The following OGDHL variants were observed in gnomAD, a reference collection of about 807,000 sequenced individuals.
OGDHL encodes 2-oxoglutarate dehydrogenase-like, mitochondrial.
OGDHL carries 79 observed loss-of-function variants against 109.6 expected under a neutral mutation model. The observed-to-expected ratio is 0.72, with a 90% confidence interval of 0.60 to 0.87. The LOEUF (loss-of-function observed/expected upper bound fraction) is 0.87, where lower values mean the gene tolerates loss of function less well. Ranked by LOEUF, OGDHL falls within the 40% of genes least tolerant of loss-of-function variation. The pLI, the probability that OGDHL is intolerant of heterozygous loss-of-function variation, is 0.00. For synonymous variants in OGDHL, 528 were observed against 537.2 expected (o/e 0.98, Z 0.24); for missense variants, 1,275 against 1,362.2 (o/e 0.94, Z 1.01).
rs140601286 is a variant in OGDHL at position 49,755,014 on chromosome 10, C to T, written c.375+1762G>A. On this transcript the variant is annotated intron_variant, in intron 3 of 22. Coordinates refer to ENST00000374103, the MANE Select transcript of OGDHL (RefSeq NM_018245.3). Reference sequence around the variant, plus strand: ...ATCCCAGCACTTTGGGAGGCCAAGGCGGGCAGATCACTTGAGGTCAGGAAT... The same window carrying T: ...ATCCCAGCACTTTGGGAGGCCAAGGTGGGCAGATCACTTGAGGTCAGGAAT... Among the ~76,000 whole-genome samples, 383 of 152,196 alleles carry T rather than the reference C, an allele frequency of 2.5e-3. 1 individual carries two copies. Among genetic ancestry groups the T allele is most frequent in the African/African-American group, 8.6e-3 (356 of 41,518 alleles).
At chr10:49,743,895 C>A in intron 14 of OGDHL, 99 bp downstream of exon 14, 1 of 1,447,488 alleles carries the variant, frequency 6.9e-7, no homozygotes. Context: ...AGCAGGAATG[C>A]GACACACCAT....
rs773410058 is a variant in OGDHL, at chr10:49,736,518, T to C, written c.2593A>G (p.Thr865Ala). 3.3e-5 allele frequency: 53 copies of C among 1,612,858 alleles called. No individual in the cohort carries two copies. The highest frequency in any genetic ancestry group is 4.4e-5 in the Non-Finnish European group (52 of 1,179,908). ...KSSFDQMVSG[T>A]SFQRVIPEDG... ...TCAGGAATCACCCGCTGGAAGCTGG[T>C]CCCTGAGGGACCAACAGGACATGGC... Residue 865 changes from threonine (T) to alanine (A), a missense_variant and splice_region_variant, in exon 21 of 23, where the codon ACC becomes GCC. Physicochemically the swap from Thr to Ala is moderately conservative, Grantham distance 58. Coordinates refer to ENST00000374103, the MANE Select transcript of OGDHL (RefSeq NM_018245.3).
At chr10:49,754,676 G>A (rs202000192) in intron 3 of OGDHL, among the ~76,000 whole-genome samples, 15 of 147,498 alleles carry the variant, frequency 1.0e-4, no homozygotes, top group South Asian at 2.1e-4. Flanking sequence ...AGCTGATTTT[G>A]AAAAAAAAAA....
In OGDHL at chr10:49,745,355, G is replaced by A; in HGVS notation, c.1618C>T (p.Gln540Ter). Residue 540 changes from glutamine (Q) to a stop codon, truncating the protein, a stop_gained, in exon 12 of 23, where the codon CAG (glutamine) becomes TAG (stop). Coordinates refer to ENST00000374103, the MANE Select transcript of OGDHL (RefSeq NM_018245.3). LOFTEE classifies it high-confidence loss of function. ...GCCTGCCTGCCCACCTCAAACTCCT[G>A]CAGGGTGACTGTGCCCTCGGCAATC... ...KLIAEGTVTL[Q>*]EFEEEIAKYD... is the part of the protein sequence containing the mutation. 1 of 1,613,800 alleles carries A rather than the reference G, an allele frequency of 6.2e-7. No individual in the cohort carries two copies. Among genetic ancestry groups the A allele is most frequent in the Non-Finnish European group, 8.5e-7 (1 of 1,180,024 alleles).
At chr10:49,757,254 C>T (rs1318060361) in intron 2 of OGDHL, among the ~76,000 whole-genome samples, 1 of 152,166 alleles carries the variant, frequency 6.6e-6, no homozygotes, top group African/African-American at 2.4e-5. Context: ...GGAATATTGC[C>T]AAGATACGTT....
At chr10:49,756,722 CCA>C in intron 3 of OGDHL, 52 bp downstream of exon 3, 1 of 1,532,004 alleles carries the variant, frequency 6.5e-7, no homozygotes, top group Non-Finnish European at 8.8e-7. Context: ...CAGTGCCTGG[CCA>C]CACCCCAGGA....
intron 3 of OGDHL, among the ~76,000 whole-genome samples, chr10:49,756,379 T>G (rs952334693): frequency 6.6e-5 from 10 of 152,144 alleles, no homozygotes; most frequent in African/African-American, 2.4e-4. Context: ...TAAACATGAA[T>G]TAGGCACCTG....
rs766848951 is a variant in OGDHL, at chr10:49,747,131, C to T, written c.1065G>A (p.Leu355=). The change falls in exon 9 of 23, where the codon CTG becomes CTA. Residue 355 remains leucine, a synonymous_variant. Transcript: ENST00000374103. ...GGTGGGAGGGGTTGGCAACCAGCGA[C>T]AGAGTGATGTTCCGGTTGGTGACGC... ...INRVTNRNIT[L]SLVANPSHLE... The T allele has an allele frequency of 6.2e-7, 1 of 1,614,156 alleles. No individual in the cohort carries two copies. Among genetic ancestry groups the T allele is most frequent in the Non-Finnish European group, 8.5e-7 (1 of 1,179,946 alleles).
chr10:49,743,823 A>G (rs975277965), intron 14 of OGDHL, 171 bp downstream of exon 14: 2 of 740,034 alleles, frequency 2.7e-6, no homozygotes, highest in African/African-American at 3.6e-5. Flanking sequence ...CCCACCCTGA[A>G]AAGAGCTACT....
intron 3 of OGDHL, among the ~76,000 whole-genome samples, chr10:49,755,867 G>A (rs1262035592): frequency 6.6e-6 from 1 of 152,196 alleles, no homozygotes. Context: ...GAAGTCAAGG[G>A]TTAGATCACT....
Position 49,745,860 on chromosome 10 carries a change from A to G in OGDHL, c.1414T>C (p.Tyr472His). The G allele has an allele frequency of 6.2e-7, 1 of 1,614,128 alleles. No individual in the cohort carries two copies. ...CATTCGGCTGCCACACTGCACACATATATCACAGCCTCTGGGTCATCGGCA... is the reference window on the plus strand; with the variant it reads ...CATTCGGCTGCCACACTGCACACATGTATCACAGCCTCTGGGTCATCGGCA... The part of the protein sequence containing the change: ...VNADDPEAVI[Y>H]VCSVAAEWRN... The change falls in exon 11 of 23, where the codon TAT becomes CAT. Residue 472 changes from tyrosine (Y) to histidine (H), a missense_variant. By Grantham distance (83) the Tyr-to-His change is moderately conservative (BLOSUM62 2). Coordinates refer to ENST00000374103, the MANE Select transcript of OGDHL (RefSeq NM_018245.3).
At chr10:49,739,581 A>G in intron 17 of OGDHL, 80 bp downstream of exon 17, 1 of 1,528,034 alleles carries the variant, frequency 6.5e-7, no homozygotes, top group Middle Eastern at 1.8e-4. Context: ...GTCCAACCCG[A>G]CAAGGGGCCC....
intron 11 of OGDHL, 151 bp from the exon 12 acceptor site, chr10:49,745,647 A>C: frequency 7.7e-7 from 1 of 1,298,750 alleles, no homozygotes; most frequent in Non-Finnish European, 1.1e-6. Flanking sequence ...GTCCCGTCCC[A>C]GGCCTTTGCA....
intron 1 of OGDHL, 22 bp downstream of exon 1, chr10:49,762,216 AG>A: frequency 6.6e-6 from 1 of 152,136 alleles, no homozygotes. Flanking sequence ...AGGGACCGGG[AG>A]GGGGCGGGCC....
At chr10:49,744,256 C>A in intron 13 of OGDHL, 134 bp from the exon 14 acceptor site, 1 of 1,146,680 alleles carries the variant, frequency 8.7e-7, no homozygotes, top group Admixed American at 2.6e-5. Context: ...CCTGAGCCCA[C>A]CCTTGGGACC....
At position 49,744,528 on chromosome 10, in the gene OGDHL, TA is replaced by T. The variant is rs1321779105; in HGVS notation, c.1732+121del. On this transcript the variant is annotated intron_variant, in intron 13 of 22. Transcript: ENST00000374103. ...CCACGCAGCTTTGGGGACTCAGTGA[TA>T]GAGCCTGCAGCCTCTAGACTAGGCA... 9.3e-6 allele frequency: 7 copies of T among 753,008 alleles called. No homozygotes were observed. The African/African-American group carries it at 1.2e-4, about 13-fold the overall frequency. The allele number at this position is 753,008 out of a possible 1,614,324, so 46.6% of individuals were successfully genotyped here.
intron 11 of OGDHL, 21 bp downstream of exon 11, chr10:49,745,777 G>C: frequency 1.2e-6 from 2 of 1,610,136 alleles, no homozygotes; most frequent in Non-Finnish European, 1.7e-6. Flanking sequence ...CCCATGCCTT[G>C]GCCTCAGTCC....
chr10:49,758,746 C>G, intron 1 of OGDHL, 153 bp from the exon 2 acceptor site: 1 of 746,776 alleles, frequency 1.3e-6, no homozygotes, highest in Non-Finnish European at 2.2e-6. Flanking sequence ...TGACACTCTC[C>G]CAGCCCCCTG....
Position 49,736,026 on chromosome 10 carries a change from A to T in OGDHL, c.2906T>A (p.Ile969Lys). 3 of 1,577,992 alleles carry T rather than the reference A, an allele frequency of 1.9e-6. No homozygotes were observed. In the South Asian group the frequency reaches 3.6e-5, roughly 19 times the overall value. ...AATCAGCGGCCCCACCATGTACCAT[A>T]TGGGCCGTGCGCGCCTCAGGATGGT... ...FMTILRRARP[I>K]WYVGRDPAAA... Residue 969 changes from isoleucine (I) to lysine (K), a missense_variant, in exon 22 of 23, where the codon ATA (isoleucine) becomes AAA (lysine). Physicochemically the swap from Ile to Lys is moderately radical, Grantham distance 102. Transcript: ENST00000374103.
Sources: allele counts gnomAD v4.1 joint callset (sites outside exome capture counted in the v4.1 genomes callset), GRCh38; gene constraint gnomAD v4.1.1; transcripts MANE v1.5; gene names NCBI Gene and HGNC (gene_info 2026-07-23, HGNC 2026-07-21).